Variants in CDC42BPB observed in about 807,000 individuals in gnomAD.
CDC42BPB encodes the protein CDC42 binding protein kinase beta.
CDC42BPB carries 37 observed loss-of-function variants against 214.9 expected under a neutral mutation model. The observed-to-expected ratio is 0.17, with a 90% CI of 0.13 to 0.23. The LOEUF is 0.23. Among genes scored for constraint, CDC42BPB ranks in the 10% least tolerant of loss-of-function variants. The pLI, the probability that CDC42BPB is intolerant of heterozygous loss-of-function variation, is 1.00. For synonymous variants in CDC42BPB, 931 were observed against 884.0 expected (o/e 1.05, Z -0.94); for missense variants, 1,694 against 2,227.0 (o/e 0.76, Z 4.82).
chr14:103,031,134 G>A (rs962983010), intron 1 of CDC42BPB, among the ~76,000 whole-genome samples: 21 of 151,296 alleles, frequency 1.4e-4, no homozygotes, highest in African/African-American at 4.4e-4. Flanking sequence ...TTATAAAAAC[G>A]CCGGCATGAA....
chr14:102,961,885 C>T lies in CDC42BPB; in HGVS notation c.2821+1176G>A, dbSNP rs565456645. 2.0e-5 allele frequency among the ~76,000 whole-genome samples: 3 copies of T among 152,262 alleles called. No homozygotes were observed. In the South Asian group the frequency reaches 6.2e-4, roughly 32 times the overall value. ...GGCAAAAAAATAAATAAATGATAAG[C>T]AAAGACAAACTAGGAAAAATACTTG... On this transcript the variant is annotated intron_variant, in intron 20 of 36. Coordinates refer to ENST00000361246, the MANE Select transcript of CDC42BPB (RefSeq NM_006035.4).
chr14:102,945,469 C>T, intron 29 of CDC42BPB, 193 bp downstream of exon 29: 1 of 587,242 alleles, frequency 1.7e-6, no homozygotes, highest in Non-Finnish European at 3.1e-6. Flanking sequence ...CCTTGAAGAA[C>T]TCGATGGATG....
At chr14:103,024,101 G>T (rs1317001847) in intron 1 of CDC42BPB, among the ~76,000 whole-genome samples, 1 of 152,166 alleles carries the variant, frequency 6.6e-6, no homozygotes, top group Non-Finnish European at 1.5e-5. Flanking sequence ...AATATATACA[G>T]AGACGCTCTC....
intron 1 of CDC42BPB, among the ~76,000 whole-genome samples, chr14:103,043,120 C>T (rs1298579771): frequency 3.3e-5 from 5 of 151,968 alleles, no homozygotes; most frequent in Admixed American, 6.6e-5. Context: ...ATTAGTCAGG[C>T]GTAATCCCAG....
At chr14:102,954,148 A>T in intron 23 of CDC42BPB, 50 bp downstream of exon 23, 1 of 1,180,770 alleles carries the variant, frequency 8.5e-7, no homozygotes, top group Non-Finnish European at 1.2e-6. Context: ...GAGAATAAAT[A>T]AACAACTAAA....
At chr14:102,962,983 A>G in intron 20 of CDC42BPB, 78 bp downstream of exon 20, 1 of 712,636 alleles carries the variant, frequency 1.4e-6, no homozygotes, top group Non-Finnish European at 2.4e-6. Context: ...GTAACTATTA[A>G]GTCGAAAAGA....
rs921955049 is a variant in CDC42BPB, at chr14:103,004,165, G to A, written c.352-142C>T. On this transcript the variant is annotated intron_variant, in intron 3 of 36. Transcript: ENST00000361246. The surrounding 1 kb of genome is among the most constrained non-coding windows in gnomAD (Gnocchi z 5.3). ...CGGGCTCCTCCTCGTGCACCACCCC[G>A]AGGCTGCTGAGGCTGAGCCATCCCT... is the stretch of plus-strand genomic sequence containing the variant. The A allele has an allele frequency of 8.6e-6, 12 of 1,391,678 alleles. No individual in the cohort carries two copies. The highest frequency in any genetic ancestry group is 4.4e-5 in the African/African-American group (3 of 68,896). 86.2% of individuals were successfully genotyped at this position (1,391,678 alleles called of 1,614,324 possible). A position where few individuals can be genotyped will look rare whatever the true frequency, so the allele number is the denominator to read the frequency against.
rs943583546 is a variant in CDC42BPB, at chr14:103,001,182, C to T, written c.448-1469G>A. On this transcript the variant is annotated intron_variant, in intron 4 of 36. Transcript: ENST00000361246. The surrounding 1 kb of genome is among the most constrained non-coding windows in gnomAD (Gnocchi z 5.8). ...CCGCCAAGGGCAGCCCCAGCCTCCC[C>T]GCCCTGGCTCAGGCACTGCCCGTCC... Among the ~76,000 whole-genome samples the T allele has an allele frequency of 2.6e-5, 4 of 152,226 alleles. No individual in the cohort carries two copies. Among genetic ancestry groups the T allele is most frequent in the African/African-American group, 7.2e-5 (3 of 41,460 alleles).
intron 2 of CDC42BPB, among the ~76,000 whole-genome samples, chr14:103,011,306 G>A (rs966912379): frequency 1.3e-5 from 2 of 152,214 alleles, no homozygotes; most frequent in Non-Finnish European, 2.9e-5. Context: ...AAAGCCAACC[G>A]GACCCAGAGC....
rs570965663 is a variant in CDC42BPB at position 102,988,011 on chromosome 14, G to A, written c.597-1431C>T. ...CACACGTACACACACAAACACACAC[G>A]CACGCACTAGACAAAAGCATGCAGA... On this transcript the variant is annotated intron_variant, in intron 5 of 36. Transcript: ENST00000361246. Among the ~76,000 whole-genome samples the A allele has an allele frequency of 5.9e-5, 9 of 151,838 alleles. No homozygotes were observed. The South Asian group carries it at 8.3e-4, about 14-fold the overall frequency.
chr14:103,041,003 C>G (rs1887956806), intron 1 of CDC42BPB, among the ~76,000 whole-genome samples: 1 of 152,144 alleles, frequency 6.6e-6, no homozygotes, highest in South Asian at 2.1e-4. Context: ...AGTTGGAGGA[C>G]TCATACTTCC....
intron 1 of CDC42BPB, among the ~76,000 whole-genome samples, chr14:103,044,535 A>G (rs952607658): frequency 1.3e-5 from 2 of 151,542 alleles, no homozygotes; most frequent in Non-Finnish European, 2.9e-5. Flanking sequence ...ATGCCCGGCT[A>G]ACTTTTTGTG....
At chr14:103,008,406 G>A in intron 3 of CDC42BPB, 66 bp downstream of exon 3, 2 of 1,037,442 alleles carry the variant, frequency 1.9e-6, no homozygotes, top group Non-Finnish European at 3.1e-6. Context: ...TTCCCCAGCT[G>A]GCTTCACAGT....
intron 30 of CDC42BPB, among the ~76,000 whole-genome samples, chr14:102,942,462 C>A (rs1209516273): frequency 6.6e-6 from 1 of 152,212 alleles, no homozygotes; most frequent in Non-Finnish European, 1.5e-5. Flanking sequence ...ATGCGCGGCT[C>A]GTCTTCCTCC....
chr14:103,051,225 G>C (rs1439337920), intron 1 of CDC42BPB, among the ~76,000 whole-genome samples: 3 of 150,984 alleles, frequency 2.0e-5, no homozygotes, highest in Admixed American at 1.3e-4. Context: ...TAAGGAGAGG[G>C]TGTTTCCTCT....
In CDC42BPB at chr14:102,985,551, G is replaced by A. The variant is rs139236848; in HGVS notation, c.690+936C>T. 5.0e-3 allele frequency among the ~76,000 whole-genome samples: 767 copies of A among 152,322 alleles called. 3 individuals are homozygous for A. Among genetic ancestry groups the A allele is most frequent in the Non-Finnish European group, 7.9e-3 (535 of 68,026 alleles). ...CCGCCTACCAATTAATCAATATGTGGTCAAGACTATTAAAAACAAGAGACT... is the reference window on the plus strand; with the variant it reads ...CCGCCTACCAATTAATCAATATGTGATCAAGACTATTAAAAACAAGAGACT... On this transcript the variant is annotated intron_variant, in intron 6 of 36. Transcript: ENST00000361246.
intron 36 of CDC42BPB, among the ~76,000 whole-genome samples, chr14:102,935,385 T>TG (rs1374331475): frequency 1.2e-4 from 19 of 152,218 alleles, no homozygotes; most frequent in African/African-American, 4.6e-4. Context: ...TAGGAATAGT[T>TG]TAACCAGAGA....
intron 1 of CDC42BPB, among the ~76,000 whole-genome samples, chr14:103,035,042 C>T (rs1171180140): frequency 1.3e-5 from 2 of 151,500 alleles, no homozygotes; most frequent in African/African-American, 4.9e-5. Context: ...ATAGGGGCAA[C>T]TAGCAATTAA....
chr14:103,014,211 C>G (rs906634172), intron 1 of CDC42BPB, among the ~76,000 whole-genome samples: 14 of 147,264 alleles, frequency 9.5e-5, no homozygotes, highest in South Asian at 4.4e-4. Flanking sequence ...GTCAGGTCAA[C>G]TCTTCCCAGG....
Sources: gnomAD v4.1 joint callset for allele counts (sites outside exome capture counted in the v4.1 genomes callset) on GRCh38, gnomAD v4.1.1 for gene constraint, Gnocchi (gnomAD v3.1) non-coding constraint, MANE v1.5 for transcripts, NCBI Gene and HGNC (gene_info 2026-07-23, HGNC 2026-07-21) for gene names.